Variants in ACCS observed in about 807,000 individuals in gnomAD.
The protein encoded by ACCS is 1-aminocyclopropane-1-carboxylate synthase-like protein 1.
In ACCS, 42 loss-of-function variants were observed where a neutral mutation model predicts 59.8. That is an observed-to-expected ratio of 0.70 (90% confidence interval 0.55 to 0.91). The LOEUF is 0.91. Among genes scored for constraint, ACCS ranks in the 40% least tolerant of loss-of-function variants. ACCS has a pLI of 0.00. For synonymous variants in ACCS, 230 were observed against 240.3 expected (o/e 0.96, Z 0.40); for missense variants, 602 against 630.4 (o/e 0.95, Z 0.48).
intron 10 of ACCS, 92 bp from the exon 11 acceptor site, chr11:44,080,928 T>G: frequency 1.3e-6 from 2 of 1,517,880 alleles, no homozygotes; most frequent in Non-Finnish European, 1.8e-6. Context: ...CAAAACTAGA[T>G]TCAACCACCC....
Position 44,079,567 on chromosome 11 carries a change from G to T in ACCS, c.870G>T (p.Met290Ile), listed in dbSNP as rs757055626. Reference protein sequence around the residue: ...RLHVIVDEVYMLSVFEKSVGY... With the variant: ...RLHVIVDEVYILSVFEKSVGY... ...ATGTGATTGTGGATGAGGTCTACAT[G>T]CTGTCCGTGTTTGAGAAGTCTGTTG... The change falls in exon 10 of 15, where the codon ATG becomes ATT. Residue 290 changes from methionine (M) to isoleucine (I), a missense_variant. By Grantham distance (10) the Met-to-Ile change is conservative. Transcript: ENST00000263776. 2 of 1,612,282 alleles carry T rather than the reference G, an allele frequency of 1.2e-6. No individual in the cohort carries two copies. The highest frequency in any genetic ancestry group is 2.2e-5 in the South Asian group (2 of 90,380).
At chr11:44,081,854 C>G (rs942277680) in intron 12 of ACCS, among the ~76,000 whole-genome samples, 2 of 152,254 alleles carry the variant, frequency 1.3e-5, no homozygotes, top group East Asian at 3.9e-4. Flanking sequence ...CAAAAAACAG[C>G]AGAAGCTTCT....
At chr11:44,077,408 G>C in intron 7 of ACCS, 32 bp downstream of exon 7, 1 of 1,612,802 alleles carries the variant, frequency 6.2e-7, no homozygotes. Context: ...GTGGAACCTG[G>C]GCCTGCCTGT....
At chr11:44,076,999 G>A (rs1051658303) in intron 6 of ACCS, among the ~76,000 whole-genome samples, 2 of 152,130 alleles carry the variant, frequency 1.3e-5, no homozygotes, top group Non-Finnish European at 2.9e-5. Flanking sequence ...ACCTGCCCCC[G>A]TTACTCAATT....
chr11:44,073,573 G>A, intron 4 of ACCS, 56 bp downstream of exon 4: 1 of 1,532,022 alleles, frequency 6.5e-7, no homozygotes, highest in Non-Finnish European at 8.8e-7. Context: ...GCAATGTTGG[G>A]AGACATTTTT....
intron 9 of ACCS, 70 bp from the exon 10 acceptor site, chr11:44,079,461 C>T (rs909919481): frequency 7.5e-7 from 1 of 1,341,420 alleles, no homozygotes; most frequent in Non-Finnish European, 1.0e-6. Flanking sequence ...TGATGTATTA[C>T]CTCCCCACCC....
At chr11:44,071,056 T>C (rs966713056) in intron 2 of ACCS, among the ~76,000 whole-genome samples, 200 bp from the exon 3 acceptor site, 2 of 152,138 alleles carry the variant, frequency 1.3e-5, no homozygotes, top group African/African-American at 4.8e-5. Context: ...ACATGGCATT[T>C]GGACAGAGCT....
intron 4 of ACCS, among the ~76,000 whole-genome samples, chr11:44,073,964 T>G (rs1459233778): frequency 6.6e-6 from 1 of 152,164 alleles, no homozygotes; most frequent in Non-Finnish European, 1.5e-5. Context: ...TAATAGCTTG[T>G]GCTTATTGAA....
intron 8 of ACCS, chr11:44,078,350 T>C (rs1953474729): frequency 3.2e-6 from 1 of 309,856 alleles, no homozygotes; most frequent in Non-Finnish European, 5.9e-6. Flanking sequence ...TCCAGCCTAC[T>C]TTTCAAAAAT....
chr11:44,081,208 C>T lies in ACCS; in HGVS notation c.999C>T (p.Gly333=). The change falls in exon 12 of 15, where the codon GGC becomes GGT. Residue 333 remains glycine (G), a synonymous_variant. Transcript: ENST00000263776. ...KDFGMSGLRF[G]TLYTENQDVA... Reference sequence around the variant, plus strand: ...TCGGGATGTCTGGGCTCCGCTTTGGCACGCTGTACACAGAAAACCAGGATG... The same window carrying T: ...TCGGGATGTCTGGGCTCCGCTTTGGTACGCTGTACACAGAAAACCAGGATG... 1 of 1,614,234 alleles carries T rather than the reference C, an allele frequency of 6.2e-7. No homozygotes were observed. The highest frequency in any genetic ancestry group is 1.3e-5 in the African/African-American group (1 of 75,062).
chr11:44,070,753 T>G (rs1953010675), intron 2 of ACCS, among the ~76,000 whole-genome samples: 2 of 152,196 alleles, frequency 1.3e-5, no homozygotes, highest in African/African-American at 4.8e-5. Context: ...CTTCTTGATC[T>G]ACATCTACCT....
rs1953758387 is a variant in ACCS, at chr11:44,084,016, A to C, written c.*224A>C. ...CTCTCCTATTAAACAAAACTAGGAG[A>C]GTCCATATGTCTCCATTGTGAGTTA... On this transcript the variant is annotated 3_prime_UTR_variant, in exon 15 of 15. Transcript: ENST00000263776. 1.2e-6 allele frequency: 1 copy of C among 867,626 alleles called. No individual in the cohort carries two copies. Among genetic ancestry groups the C allele is most frequent in the East Asian group, 3.0e-5 (1 of 33,778 alleles). 53.7% of individuals were successfully genotyped at this position (867,626 alleles called of 1,614,324 possible).
intron 5 of ACCS, among the ~76,000 whole-genome samples, chr11:44,075,089 G>T (rs1232917867): frequency 6.6e-6 from 1 of 152,078 alleles, no homozygotes; most frequent in Non-Finnish European, 1.5e-5. Context: ...CTCCCAAAGT[G>T]CTGGGATTAC....
Position 44,081,245 on chromosome 11 carries a change from G to T in ACCS, c.1036G>T (p.Val346Leu). The change falls in exon 12 of 15, where the codon GTG (valine) becomes TTG (leucine). Residue 346 changes from valine to leucine, a missense_variant. By Grantham distance (32) the Val-to-Leu change is conservative. Coordinates refer to ENST00000263776, the MANE Select transcript of ACCS (RefSeq NM_032592.4). The part of the protein sequence containing the change: ...YTENQDVATA[V>L]ASLCRYHGLS... Reference sequence around the variant, plus strand: ...AGAAAACCAGGATGTGGCCACTGCCGTGGCTTCCCTCTGCCGCTACCACGG... The same window carrying T: ...AGAAAACCAGGATGTGGCCACTGCCTTGGCTTCCCTCTGCCGCTACCACGG... 2 of 1,614,282 alleles carry T rather than the reference G, an allele frequency of 1.2e-6. No individual in the cohort carries two copies. Among genetic ancestry groups the T allele is most frequent in the Non-Finnish European group, 1.7e-6 (2 of 1,180,052 alleles).
At chr11:44,074,734 CTCTTTCTT>C (rs202091203) in intron 5 of ACCS, 53 bp downstream of exon 5, 94,272 of 548,112 alleles carry the variant, frequency 0.17, 11,234 homozygotes, top group Middle Eastern at 0.19. Flanking sequence ...CCCTCTCCAT[CTCTTTCTT>C]TCTTTCTTTC....
At chr11:44,082,940 G>T (rs1418922574) in intron 12 of ACCS, among the ~76,000 whole-genome samples, 1 of 152,084 alleles carries the variant, frequency 6.6e-6, no homozygotes, top group Non-Finnish European at 1.5e-5. Flanking sequence ...GTGGGACCTG[G>T]AGCTGTCAGG....
chr11:44,077,545 A>C, intron 7 of ACCS, 169 bp downstream of exon 7: 4 of 1,449,538 alleles, frequency 2.8e-6, no homozygotes, highest in Non-Finnish European at 3.6e-6. Context: ...CAGTGGCTCC[A>C]AAGTTCCAGT....
chr11:44,073,436 T>G lies in ACCS; in HGVS notation c.349-11T>G, dbSNP rs796248615. On this transcript the variant is annotated splice_polypyrimidine_tract_variant and intron_variant, in intron 3 of 14. Transcript: ENST00000263776. Reference sequence around the variant, plus strand: ...TGGCCCTCAGCCGTGCTCTTCCCTCTCTGTCCCCAGCTGAGTCAGCGCGAC... The same window carrying G: ...TGGCCCTCAGCCGTGCTCTTCCCTCGCTGTCCCCAGCTGAGTCAGCGCGAC... 4.4e-6 allele frequency: 7 copies of G among 1,605,020 alleles called. No homozygotes were observed. The African/African-American group carries it at 8.0e-5, about 18-fold the overall frequency.
intron 12 of ACCS, among the ~76,000 whole-genome samples, chr11:44,081,634 G>A (rs897051379): frequency 6.6e-6 from 1 of 152,214 alleles, no homozygotes; most frequent in Non-Finnish European, 1.5e-5. Flanking sequence ...ATAGGCACTT[G>A]ATTAATGTGA....
Sources: allele counts gnomAD v4.1 joint callset (sites outside exome capture counted in the v4.1 genomes callset), GRCh38; gene constraint gnomAD v4.1.1; transcripts MANE v1.5; gene names NCBI Gene and HGNC (gene_info 2026-07-23, HGNC 2026-07-21).